Variants in COBL observed in about 807,000 individuals in gnomAD.
The protein encoded by COBL is protein cordon-bleu.
In COBL, 51 loss-of-function variants were observed where a neutral mutation model predicts 98.8. The observed-to-expected ratio is 0.52, with a 90% CI of 0.41 to 0.65. The LOEUF is 0.65. COBL is among the 30% of genes least tolerant of loss of function. COBL has a pLI of 0.00. For synonymous variants in COBL, 634 were observed against 651.7 expected (o/e 0.97, Z 0.41); for missense variants, 1,617 against 1,617.5 (o/e 1.00, Z 0.01).
At chr7:51,128,860 G>A (rs1798472333) in intron 6 of COBL, among the ~76,000 whole-genome samples, 1 of 152,224 alleles carries the variant, frequency 6.6e-6, no homozygotes, top group Non-Finnish European at 1.5e-5. Context: ...CATGCAAACT[G>A]CAAATGGGCC....
intron 5 of COBL, among the ~76,000 whole-genome samples, chr7:51,164,720 T>C (rs982404509): frequency 2.0e-5 from 3 of 152,040 alleles, no homozygotes; most frequent in Non-Finnish European, 4.4e-5. Flanking sequence ...CAGAATATGA[T>C]AACACTGTAA....
At chr7:51,125,626 A>T (rs1798124098) in intron 6 of COBL, among the ~76,000 whole-genome samples, 1 of 152,164 alleles carries the variant, frequency 6.6e-6, no homozygotes. Context: ...TCACCTATAA[A>T]ACAGAGATGA....
chr7:51,098,218 C>A (rs1795473506), intron 6 of COBL, among the ~76,000 whole-genome samples: 2 of 57,686 alleles, frequency 3.5e-5, no homozygotes, highest in African/African-American at 2.0e-4. Flanking sequence ...ATCCCAATAG[C>A]AGTTTCTTTT....
chr7:51,250,035 G>C lies in COBL; in HGVS notation c.42-30091C>G, dbSNP rs566238698. 5.3e-5 allele frequency among the ~76,000 whole-genome samples: 8 copies of C among 152,164 alleles called. No individual in the cohort carries two copies. In the East Asian group the frequency reaches 1.4e-3, roughly 26 times the overall value. Reference sequence around the variant, plus strand: ...GAGAATTACTAGAACCCGGGAGGTGGAGGTTACAGTAAGCCAAGATCGCAC... The same window carrying C: ...GAGAATTACTAGAACCCGGGAGGTGCAGGTTACAGTAAGCCAAGATCGCAC... On this transcript the variant is annotated intron_variant, in intron 1 of 12. Transcript: ENST00000265136.
intron 1 of COBL, among the ~76,000 whole-genome samples, chr7:51,299,289 C>T (rs979827654): frequency 4.6e-5 from 7 of 152,234 alleles, no homozygotes; most frequent in African/African-American, 1.7e-4. Context: ...CCAGGAGGTG[C>T]AGCACTGGCT....
chr7:51,109,474 T>C (rs1478417607), intron 6 of COBL, among the ~76,000 whole-genome samples: 1 of 152,114 alleles, frequency 6.6e-6, no homozygotes, highest in Non-Finnish European at 1.5e-5. Flanking sequence ...CTGAAGCACC[T>C]CAGTTCTTGC....
At chr7:51,234,905 C>T (rs1417245290) in intron 1 of COBL, among the ~76,000 whole-genome samples, 1 of 151,678 alleles carries the variant, frequency 6.6e-6, no homozygotes, top group Non-Finnish European at 1.5e-5. Context: ...AGAGAAAGAG[C>T]ACTAGAGGAG....
intron 7 of COBL, among the ~76,000 whole-genome samples, chr7:51,059,535 A>G (rs1466067316): frequency 6.6e-6 from 1 of 152,086 alleles, no homozygotes; most frequent in Non-Finnish European, 1.5e-5. Context: ...GAACTTTCCC[A>G]GGAATGGGAG....
chr7:51,270,377 C>A (rs1798643989), intron 1 of COBL, among the ~76,000 whole-genome samples: 3 of 152,190 alleles, frequency 2.0e-5, no homozygotes, highest in Admixed American at 2.0e-4. Flanking sequence ...CCTGAATTTC[C>A]TCAATATGCT....
At chr7:51,265,110 A>G (rs1798082108) in intron 1 of COBL, among the ~76,000 whole-genome samples, 1 of 152,162 alleles carries the variant, frequency 6.6e-6, no homozygotes, top group East Asian at 1.9e-4. Context: ...TGCCCCACTC[A>G]AGAAAGTCTA....
chr7:51,126,907 C>G (rs888370608), intron 6 of COBL, among the ~76,000 whole-genome samples: 1 of 152,160 alleles, frequency 6.6e-6, no homozygotes, highest in Non-Finnish European at 1.5e-5. Flanking sequence ...ATGGCCCATT[C>G]GTCTCGCATG....
intron 2 of COBL, among the ~76,000 whole-genome samples, chr7:51,196,526 G>C (rs1366607520): frequency 1.3e-5 from 2 of 152,134 alleles, no homozygotes; most frequent in Admixed American, 6.6e-5. Flanking sequence ...AAATGAGTTA[G>C]AGAGGAGTCC....
intron 1 of COBL, among the ~76,000 whole-genome samples, chr7:51,301,319 C>T (rs1213754986): frequency 6.6e-6 from 1 of 152,208 alleles, no homozygotes; most frequent in African/African-American, 2.4e-5. Flanking sequence ...ACTTCAACTA[C>T]CGCGCCTGGC....
Position 51,029,052 on chromosome 7 carries a change from C to T in COBL, c.2044G>A (p.Ala682Thr). Residue 682 changes from alanine (A) to threonine (T), a missense_variant, in exon 10 of 13, where the codon GCC (alanine) becomes ACC (threonine). This residue lies in a region of COBL where 1,304 missense variants were observed against 1,282.0 expected (regional missense o/e 1.02). Transcript: ENST00000265136. The stretch of plus-strand genomic sequence containing the variant: ...TGGTGCCATGATGTTGGTGCCAAGG[C>T]AGCGTTTTTATCGTTGCTGTCCTTT... ...NEKDSNDKNAALAPTSWHQRG... is the reference protein window; with the variant it reads ...NEKDSNDKNATLAPTSWHQRG... 7 of 1,614,190 alleles carry T rather than the reference C, an allele frequency of 4.3e-6. No homozygotes were observed. The highest frequency in any genetic ancestry group is 5.9e-6 in the Non-Finnish European group (7 of 1,180,034).
rs374995515 is a variant in COBL, at chr7:51,061,137, A to G, written c.1097-17445T>C. Among the ~76,000 whole-genome samples, 32 of 152,206 alleles carry G rather than the reference A, an allele frequency of 2.1e-4. No homozygotes were observed. In the East Asian group the frequency reaches 3.5e-3, roughly 16 times the overall value. ...AAGGGGAATACAGAATGGGTAGAAG[A>G]CATTATAAATACCAGCTGTGATGTG... is the stretch of plus-strand genomic sequence containing the variant. On this transcript the variant is annotated intron_variant, in intron 7 of 12. Transcript: ENST00000265136.
In COBL at chr7:51,254,315, C is replaced by T. The variant is rs114521928; in HGVS notation, c.42-34371G>A. 4.0e-3 allele frequency among the ~76,000 whole-genome samples: 602 copies of T among 152,162 alleles called. 7 individuals are homozygous for T. The highest frequency in any genetic ancestry group is 0.012 in the African/African-American group (487 of 41,512). On this transcript the variant is annotated intron_variant, in intron 1 of 12. Transcript: ENST00000265136. ...TAGAAGAAAATGGAAGGATGAGAGGCGTATGACCTCCGATGATTATACTGT... is the reference window on the plus strand; with the variant it reads ...TAGAAGAAAATGGAAGGATGAGAGGTGTATGACCTCCGATGATTATACTGT...
chr7:51,193,160 AT>A (rs1790278187), intron 3 of COBL, among the ~76,000 whole-genome samples: 3 of 152,204 alleles, frequency 2.0e-5, no homozygotes, highest in Admixed American at 6.5e-5. Context: ...CTTCTATAAT[AT>A]ATAAAGAAGC....
intron 12 of COBL, among the ~76,000 whole-genome samples, chr7:51,024,729 G>C (rs11765702): frequency 0.2 from 31,122 of 152,102 alleles, 3,304 homozygotes; most frequent in East Asian, 0.31. Context: ...TGAGGGCCAT[G>C]AGTTTGTGAT....
intron 5 of COBL, among the ~76,000 whole-genome samples, chr7:51,163,828 A>AT (rs954670189): frequency 2.0e-4 from 30 of 152,288 alleles, no homozygotes; most frequent in African/African-American, 6.5e-4. Flanking sequence ...ATCATTTTAG[A>AT]TTTTTGCCAG....
Sources: gnomAD v4.1 joint callset for allele counts (sites outside exome capture counted in the v4.1 genomes callset) on GRCh38, gnomAD v4.1.1 for gene constraint, gnomAD v4.1.1 regional missense constraint, MANE v1.5 for transcripts, NCBI Gene and HGNC (gene_info 2026-07-23, HGNC 2026-07-21) for gene names.